Variants in GLRX3 observed in about 807,000 individuals in gnomAD.
GLRX3 encodes the protein glutaredoxin-3.
GLRX3 carries 22 observed loss-of-function variants against 49.5 expected under a neutral mutation model. That is an observed-to-expected ratio of 0.44 (90% CI 0.32 to 0.63). The LOEUF (loss-of-function observed/expected upper bound fraction) is 0.63, where lower values mean the gene tolerates loss of function less well. Ranked by LOEUF, GLRX3 falls within the 30% of genes least tolerant of loss-of-function variation. The pLI is 0.05. For synonymous variants in GLRX3, 133 were observed against 140.0 expected, an observed-to-expected ratio of 0.95 and a Z score of 0.35; for missense variants, 385 against 396.3, an observed-to-expected ratio of 0.97 and a Z score of 0.24.
chr10:130,140,721 A>G (rs370065759), intron 1 of GLRX3, among the ~76,000 whole-genome samples: 4 of 152,098 alleles, frequency 2.6e-5, no homozygotes, highest in African/African-American at 9.7e-5. Flanking sequence ...AAGTTTGGTA[A>G]CCTACTTTAA....
chr10:130,169,544 C>T (rs1271722768), intron 7 of GLRX3, 54 bp downstream of exon 7: 2 of 1,086,622 alleles, frequency 1.8e-6, no homozygotes, highest in African/African-American at 3.1e-5. Context: ...TTAACATCTG[C>T]AACAAGGGGA....
At chr10:130,166,319 G>T (rs1323483315) in intron 4 of GLRX3, among the ~76,000 whole-genome samples, 188 bp from the exon 5 acceptor site, 1 of 151,764 alleles carries the variant, frequency 6.6e-6, no homozygotes, top group South Asian at 2.1e-4. Context: ...ATGGTTCAAG[G>T]TCAAATAAGG....
intron 10 of GLRX3, among the ~76,000 whole-genome samples, chr10:130,177,839 A>G (rs183186935): frequency 1.3e-5 from 2 of 152,316 alleles, no homozygotes; most frequent in Admixed American, 6.5e-5. Flanking sequence ...ACGGATTTTA[A>G]TGGTTTTATT....
intron 1 of GLRX3, among the ~76,000 whole-genome samples, chr10:130,139,775 AAAAGT>A (rs1429490540): frequency 2.6e-5 from 4 of 152,132 alleles, no homozygotes; most frequent in African/African-American, 9.7e-5. Flanking sequence ...AAAAAATAAA[AAAAGT>A]AGCCAGGCAT....
chr10:130,162,994 C>A (rs1862605449), intron 4 of GLRX3, among the ~76,000 whole-genome samples: 1 of 151,994 alleles, frequency 6.6e-6, no homozygotes, highest in Admixed American at 6.6e-5. Context: ...TTTCTGCTTA[C>A]CTTTTACTTT....
rs1291453152 is a variant in GLRX3, at chr10:130,164,520, G to A, written c.479-1987G>A. Among the ~76,000 whole-genome samples the A allele has an allele frequency of 3.9e-5, 6 of 152,248 alleles. No homozygotes were observed. The East Asian group carries it at 7.7e-4, about 20-fold the overall frequency. The stretch of plus-strand genomic sequence containing the variant: ...TTATTGTTAGGTAGTGATGAGATGC[G>A]GTGTTAGGCACCTATTCATGTCATG... On this transcript the variant is annotated intron_variant, in intron 4 of 10. Coordinates refer to ENST00000331244, the MANE Select transcript of GLRX3 (RefSeq NM_006541.5).
chr10:130,149,823 A>G (rs543424336), intron 2 of GLRX3, among the ~76,000 whole-genome samples: 2 of 150,924 alleles, frequency 1.3e-5, no homozygotes, highest in African/African-American at 4.9e-5. Flanking sequence ...GGATCAGGAA[A>G]TGCCCTATAT....
At chr10:130,174,195 T>G (rs1862870006) in intron 8 of GLRX3, among the ~76,000 whole-genome samples, 1 of 152,196 alleles carries the variant, frequency 6.6e-6, no homozygotes, top group South Asian at 2.1e-4. Context: ...TGAAATAAGT[T>G]TAAGTGTGGA....
intron 6 of GLRX3, among the ~76,000 whole-genome samples, chr10:130,167,706 C>T (rs1862719960): frequency 6.6e-6 from 1 of 151,618 alleles, no homozygotes; most frequent in Non-Finnish European, 1.5e-5. Context: ...TTTTTTTTGC[C>T]ATGTAACATC....
intron 2 of GLRX3, among the ~76,000 whole-genome samples, chr10:130,155,086 C>T (rs1862448950): frequency 6.6e-6 from 1 of 152,112 alleles, no homozygotes; most frequent in Non-Finnish European, 1.5e-5. Flanking sequence ...TTCTTCCCAC[C>T]TTGGCCTCCC....
intron 4 of GLRX3, among the ~76,000 whole-genome samples, chr10:130,165,205 G>C (rs1349177688): frequency 2.0e-5 from 3 of 152,146 alleles, no homozygotes; most frequent in Non-Finnish European, 2.9e-5. Flanking sequence ...CTGAAGAATA[G>C]GTTCTTTTCC....
chr10:130,176,792 C>CTCTA (rs1422464828), intron 10 of GLRX3, among the ~76,000 whole-genome samples: 33 of 131,308 alleles, frequency 2.5e-4, no homozygotes, highest in African/African-American at 9.3e-4. Flanking sequence ...CTCTCTCTCT[C>CTCTA]TATATATATA....
At chr10:130,176,035 T>C (rs1862910485) in intron 10 of GLRX3, among the ~76,000 whole-genome samples, 1 of 152,226 alleles carries the variant, frequency 6.6e-6, no homozygotes, top group Admixed American at 6.5e-5. Context: ...GAGAATTTTC[T>C]GAGGTCAGAT....
rs200571522 is a variant in GLRX3, at chr10:130,171,566, A to G, written c.772-18A>G. ...GTCATACAAAAATTGTAATCTTTGC[A>G]AATTTTTTTTCATTTAGGAAGCAAA... On this transcript the variant is annotated intron_variant, in intron 7 of 10. Coordinates refer to ENST00000331244, the MANE Select transcript of GLRX3 (RefSeq NM_006541.5). 2.8e-6 allele frequency: 4 copies of G among 1,438,522 alleles called. No individual in the cohort carries two copies. Among genetic ancestry groups the G allele is most frequent in the Non-Finnish European group, 3.9e-6 (4 of 1,019,838 alleles). The allele number at this position is 1,438,522 out of a possible 1,614,324, so 89.1% of individuals were successfully genotyped here. A position where few individuals can be genotyped will look rare whatever the true frequency, so the allele number is the denominator to read the frequency against.
At chr10:130,142,826 C>T (rs748371334) in intron 1 of GLRX3, among the ~76,000 whole-genome samples, 17 of 152,118 alleles carry the variant, frequency 1.1e-4, no homozygotes, top group South Asian at 2.1e-4. Context: ...CTTCCAGTAC[C>T]GCCTAGGACC....
At chr10:130,176,187 T>C (rs1862916092) in intron 10 of GLRX3, among the ~76,000 whole-genome samples, 1 of 151,538 alleles carries the variant, frequency 6.6e-6, no homozygotes, top group Admixed American at 6.6e-5. Context: ...TGGTGCAATC[T>C]CGGCTCACTG....
chr10:130,151,438 G>T lies in GLRX3; in HGVS notation c.201+6119G>T, dbSNP rs558404428. On this transcript the variant is annotated intron_variant, in intron 2 of 10. Coordinates refer to ENST00000331244, the MANE Select transcript of GLRX3 (RefSeq NM_006541.5). The stretch of plus-strand genomic sequence containing the variant: ...GCACAATGTGCAGGTTCGTTACATA[G>T]GTATACATGTGCCATGTTGGTTTGC... Among the ~76,000 whole-genome samples the T allele has an allele frequency of 3.3e-5, 5 of 152,122 alleles. No individual in the cohort carries two copies. In the South Asian group the frequency reaches 1.0e-3, roughly 32 times the overall value.
intron 5 of GLRX3, 83 bp downstream of exon 5, chr10:130,166,762 A>G (rs3736899): frequency 0.12 from 126,037 of 1,074,458 alleles, 8,237 homozygotes; most frequent in South Asian, 0.13. Context: ...TCTAAGATAC[A>G]AATTTCTTAT....
chr10:130,177,651 C>T (rs955713005), intron 10 of GLRX3, among the ~76,000 whole-genome samples: 3 of 152,148 alleles, frequency 2.0e-5, no homozygotes, highest in Admixed American at 6.5e-5. Context: ...CACTCAGCTG[C>T]GTGGTCCTCT....
Sources: gnomAD v4.1 joint callset for allele counts (sites outside exome capture counted in the v4.1 genomes callset) on GRCh38, gnomAD v4.1.1 for gene constraint, MANE v1.5 for transcripts, NCBI Gene and HGNC (gene_info 2026-07-23, HGNC 2026-07-21) for gene names.